The following TRHR variants were observed in gnomAD, a reference collection of about 807,000 sequenced individuals.
The protein encoded by TRHR is thyrotropin releasing hormone receptor, also known as thyrotropin-releasing hormone receptor.
In TRHR, 14 loss-of-function variants were observed where a neutral mutation model predicts 28.0. The observed-to-expected ratio is 0.50, with a 90% CI of 0.33 to 0.78. The LOEUF (loss-of-function observed/expected upper bound fraction) is 0.78, where lower values mean the gene tolerates loss of function less well. Among genes scored for constraint, TRHR ranks in the 30% least tolerant of loss-of-function variants. The probability of loss-of-function intolerance (pLI) is 0.02; values close to 1 mark genes in which losing one functional copy is unlikely to be tolerated. For synonymous variants in TRHR, 176 were observed against 171.9 expected, an observed-to-expected ratio of 1.02 and a Z score of -0.18; for missense variants, 438 against 469.5, an observed-to-expected ratio of 0.93 and a Z score of 0.62.
intron 2 of TRHR, among the ~76,000 whole-genome samples, chr8:109,114,237 C>T (rs1304664236): frequency 3.9e-5 from 6 of 152,068 alleles, no homozygotes; most frequent in African/African-American, 7.2e-5. Flanking sequence ...AGCCTAGACC[C>T]TCATGTTCTC....
intron 2 of TRHR, among the ~76,000 whole-genome samples, chr8:109,093,141 T>G (rs752087603): frequency 1.3e-5 from 2 of 152,136 alleles, no homozygotes; most frequent in African/African-American, 4.8e-5. Flanking sequence ...CTCATAGTGC[T>G]ATTGCTGAAG....
intron 2 of TRHR, among the ~76,000 whole-genome samples, chr8:109,103,557 A>C (rs1275842246): frequency 6.6e-6 from 1 of 152,136 alleles, no homozygotes; most frequent in Non-Finnish European, 1.5e-5. Context: ...TACTAAAGGC[A>C]AAAGCCAGAA....
In TRHR at chr8:109,115,252, G is replaced by A. The variant is rs966496524; in HGVS notation, c.790-3796G>A. 7.2e-5 allele frequency among the ~76,000 whole-genome samples: 11 copies of A among 152,222 alleles called. No individual in the cohort carries two copies. In the South Asian group the frequency reaches 1.7e-3, roughly 23 times the overall value. On this transcript the variant is annotated intron_variant, in intron 2 of 2. Transcript: ENST00000518632. ...ATAGTTTGAAGTCAGGTAGCATGAT[G>A]CCTCCAGCTTTGTTCTTTTGGCTTA...
chr8:109,119,336 T>C lies in TRHR; in HGVS notation c.1078T>C (p.Ser360Pro), dbSNP rs768273826. Residue 360 changes from serine to proline, a missense_variant, in exon 3 of 3, where the codon TCA becomes CCA. Transcript: ENST00000518632. ...VALNYSVIKESDHFSTELDDI... is the reference protein window; with the variant it reads ...VALNYSVIKEPDHFSTELDDI... Reference sequence around the variant, plus strand: ...CCTAAATTACAGCGTCATCAAGGAGTCAGACCATTTCAGCACAGAGCTTGA... The same window carrying C: ...CCTAAATTACAGCGTCATCAAGGAGCCAGACCATTTCAGCACAGAGCTTGA... The C allele has an allele frequency of 6.2e-7, 1 of 1,612,038 alleles. No homozygotes were observed. Among genetic ancestry groups the C allele is most frequent in the Non-Finnish European group, 8.5e-7 (1 of 1,178,928 alleles).
intron 2 of TRHR, among the ~76,000 whole-genome samples, chr8:109,112,294 T>G (rs1224977643): frequency 6.6e-6 from 1 of 152,112 alleles, no homozygotes; most frequent in Non-Finnish European, 1.5e-5. Flanking sequence ...TCTGAATCAG[T>G]ACAAAAATTT....
Position 109,119,666 on chromosome 8 carries a change from T to C in TRHR, c.*211T>C, listed in dbSNP as rs2129943865. 1 of 557,766 alleles carries C rather than the reference T, an allele frequency of 1.8e-6. No individual in the cohort carries two copies. Among genetic ancestry groups the C allele is most frequent in the East Asian group, 2.9e-5 (1 of 34,678 alleles). 34.6% of individuals were successfully genotyped at this position (557,766 alleles called of 1,614,324 possible). ...CTAATATCACTAAAAATGGAGCAGA[T>C]CTGTGAAATAGCTAAATGATGGAAA... On this transcript the variant is annotated 3_prime_UTR_variant, in exon 3 of 3. Coordinates refer to ENST00000518632, the MANE Select transcript of TRHR (RefSeq NM_003301.7).
chr8:109,088,981 A>T (rs1341447464), intron 2 of TRHR, among the ~76,000 whole-genome samples: 4 of 152,310 alleles, frequency 2.6e-5, no homozygotes, highest in African/African-American at 7.2e-5. Flanking sequence ...TTTTTTAAAA[A>T]TCGGTTTTTT....
chr8:109,103,626 T>C (rs1811709415), intron 2 of TRHR, among the ~76,000 whole-genome samples: 1 of 152,174 alleles, frequency 6.6e-6, no homozygotes, highest in African/African-American at 2.4e-5. Context: ...AATGTTTGGT[T>C]GTTCCTTAGG....
At chr8:109,103,358 G>A (rs1032034851) in intron 2 of TRHR, among the ~76,000 whole-genome samples, 14 of 152,038 alleles carry the variant, frequency 9.2e-5, no homozygotes, top group Non-Finnish European at 1.5e-5. Context: ...TTAGCCTTGT[G>A]ACAAAAGCAA....
chr8:109,119,943 T>G lies in TRHR; in HGVS notation c.*488T>G, dbSNP rs550360720. Among the ~76,000 whole-genome samples the G allele has an allele frequency of 6.6e-6, 1 of 151,844 alleles. No homozygotes were observed. Among genetic ancestry groups the G allele is most frequent in the Non-Finnish European group, 1.5e-5 (1 of 67,846 alleles). ...GAATATCTGAAATTAAAGGGAAAAA[T>G]ATTACAGAAACATTTTATTTATTGA... On this transcript the variant is annotated 3_prime_UTR_variant, in exon 3 of 3. Coordinates refer to ENST00000518632, the MANE Select transcript of TRHR (RefSeq NM_003301.7).
At chr8:109,107,155 G>A (rs536844571) in intron 2 of TRHR, among the ~76,000 whole-genome samples, 3 of 152,054 alleles carry the variant, frequency 2.0e-5, no homozygotes, top group South Asian at 2.1e-4. Context: ...TAAAGTCCCC[G>A]GTTCTGTGTT....
chr8:109,087,432 G>A lies in TRHR; in HGVS notation c.-81G>A. ...TACTATGACCCTTCACAGGGGGATG[G>A]AACTGCTGCAATAAAGGTGGGCGCT... is the stretch of plus-strand genomic sequence containing the variant. On this transcript the variant is annotated 5_prime_UTR_variant, in exon 2 of 3. Coordinates refer to ENST00000518632, the MANE Select transcript of TRHR (RefSeq NM_003301.7). The A allele has an allele frequency of 6.8e-7, 1 of 1,469,390 alleles. No individual in the cohort carries two copies. Among genetic ancestry groups the A allele is most frequent in the Non-Finnish European group, 9.4e-7 (1 of 1,059,350 alleles). The allele number at this position is 1,469,390 out of a possible 1,614,324, so 91.0% of individuals were successfully genotyped here. A position where few individuals can be genotyped will look rare whatever the true frequency, so the allele number is the denominator to read the frequency against.
At chr8:109,107,195 T>C (rs1369045144) in intron 2 of TRHR, among the ~76,000 whole-genome samples, 2 of 152,204 alleles carry the variant, frequency 1.3e-5, no homozygotes, top group Admixed American at 1.3e-4. Flanking sequence ...TAGGATATTA[T>C]TATTATTTAT....
chr8:109,119,285 G>A lies in TRHR; in HGVS notation c.1027G>A (p.Glu343Lys). 1 of 1,612,822 alleles carries A rather than the reference G, an allele frequency of 6.2e-7. No individual in the cohort carries two copies. Among genetic ancestry groups the A allele is most frequent in the Non-Finnish European group, 8.5e-7 (1 of 1,179,268 alleles). Residue 343 changes from glutamate (E) to lysine (K), a missense_variant, in exon 3 of 3, where the codon GAG becomes AAG. By Grantham distance (56) the Glu-to-Lys change is moderately conservative (BLOSUM62 1). Transcript: ENST00000518632. Reference sequence around the variant, plus strand: ...CTGCAACTGCAAGCAGAAGCCAACAGAGAAACCTGCTAACTACAGTGTGGC... The same window carrying A: ...CTGCAACTGCAAGCAGAAGCCAACAAAGAAACCTGCTAACTACAGTGTGGC... ...KLCNCKQKPT[E>K]KPANYSVALN...
chr8:109,115,514 G>A (rs1811907332), intron 2 of TRHR, among the ~76,000 whole-genome samples: 1 of 152,142 alleles, frequency 6.6e-6, no homozygotes, highest in Admixed American at 6.6e-5. Context: ...TCTCCTTGAA[G>A]AGGTCCTTCA....
At chr8:109,101,803 T>C (rs1307202351) in intron 2 of TRHR, among the ~76,000 whole-genome samples, 1 of 152,112 alleles carries the variant, frequency 6.6e-6, no homozygotes, top group Admixed American at 6.6e-5. Flanking sequence ...GATTAATTAG[T>C]ATAGAGATGG....
intron 2 of TRHR, among the ~76,000 whole-genome samples, chr8:109,096,683 C>T (rs1048908572): frequency 6.6e-6 from 1 of 152,094 alleles, no homozygotes. Context: ...ACAAAATCAG[C>T]AAATATGACA....
chr8:109,115,228 T>C (rs1347779229), intron 2 of TRHR, among the ~76,000 whole-genome samples: 2 of 152,254 alleles, frequency 1.3e-5, no homozygotes, highest in Admixed American at 6.5e-5. Flanking sequence ...CTTTGTAGTA[T>C]AGTTTGAAGT....
intron 2 of TRHR, among the ~76,000 whole-genome samples, chr8:109,108,182 A>C (rs1486988568): frequency 6.6e-6 from 1 of 152,204 alleles, no homozygotes; most frequent in Non-Finnish European, 1.5e-5. Flanking sequence ...CAAGATTTTT[A>C]GAAGCAAGAC....
Sources: allele counts gnomAD v4.1 joint callset (sites outside exome capture counted in the v4.1 genomes callset), GRCh38; gene constraint gnomAD v4.1.1; transcripts MANE v1.5; gene names NCBI Gene and HGNC (gene_info 2026-07-23, HGNC 2026-07-21).